The following NRP1 variants were observed in gnomAD, a reference collection of about 807,000 sequenced individuals.
The protein encoded by NRP1 is neuropilin 1.
In NRP1, 35 loss-of-function variants were observed where a neutral mutation model predicts 106.7. The ratio of observed to expected loss-of-function variants is 0.33; its 90% CI spans 0.25 to 0.43. The LOEUF (loss-of-function observed/expected upper bound fraction) is 0.43, where lower values mean the gene tolerates loss of function less well. NRP1 is among the 20% of genes least tolerant of loss of function. NRP1 has a pLI of 1.00. For missense variants in NRP1, 1,024 were observed against 1,170.4 expected (o/e 0.87, Z 1.83); for synonymous variants, 437 against 417.9 (o/e 1.05, Z -0.56).
chr10:33,319,698 T>C, intron 2 of NRP1, among the ~76,000 whole-genome samples: 1 of 150,764 alleles, frequency 6.6e-6, no homozygotes, highest in Non-Finnish European at 1.5e-5. Flanking sequence ...GCCACTTTCC[T>C]GGCTCAGCCT....
chr10:33,270,988 C>T, intron 2 of NRP1, 132 bp from the exon 3 acceptor site: 1 of 646,230 alleles, frequency 1.5e-6, no homozygotes, highest in Non-Finnish European at 2.5e-6. Flanking sequence ...TTCATCACTG[C>T]ATTAAATGGA....
intron 3 of NRP1, among the ~76,000 whole-genome samples, chr10:33,267,417 G>A (rs1309943009): frequency 5.3e-5 from 8 of 152,156 alleles, no homozygotes; most frequent in Admixed American, 5.2e-4. Flanking sequence ...GTAAGAACAG[G>A]AGTAACTTGT....
chr10:33,292,030 A>G (rs1421928710), intron 2 of NRP1, among the ~76,000 whole-genome samples: 3 of 151,900 alleles, frequency 2.0e-5, no homozygotes, highest in African/African-American at 4.9e-5. Context: ...TAGCCTCCAG[A>G]GTAGCTACGA....
At chr10:33,298,697 A>G (rs532807329) in intron 2 of NRP1, among the ~76,000 whole-genome samples, 1 of 152,254 alleles carries the variant, frequency 6.6e-6, no homozygotes, top group Admixed American at 6.5e-5. Flanking sequence ...ATGTATTCTT[A>G]GGCAGATCTT....
At chr10:33,332,339 T>A (rs889587189) in intron 1 of NRP1, among the ~76,000 whole-genome samples, 3 of 152,332 alleles carry the variant, frequency 2.0e-5, no homozygotes, top group Non-Finnish European at 2.9e-5. Context: ...CTCTGTTATG[T>A]GATTCTGCTG....
At chr10:33,319,002 C>CTTT (rs36010472) in intron 2 of NRP1, among the ~76,000 whole-genome samples, 42 of 90,754 alleles carry the variant, frequency 4.6e-4, no homozygotes, top group South Asian at 4.4e-3. Flanking sequence ...TCTTTTCTTT[C>CTTT]TTTTTTTTTT....
Position 33,275,267 on chromosome 10 carries a change from T to A in NRP1, c.249-4411A>T, listed in dbSNP as rs144400622. ...CAACCCAAAATAATGTCAAATACCA[T>A]GGAATATTATTCAGCCACTAAAAAG... On this transcript the variant is annotated intron_variant, in intron 2 of 16. Coordinates refer to ENST00000374867, the MANE Select transcript of NRP1 (RefSeq NM_003873.7). 7.7e-4 allele frequency among the ~76,000 whole-genome samples: 117 copies of A among 152,312 alleles called. 1 individual carries two copies. The Middle Eastern group carries it at 0.02, about 27-fold the overall frequency.
At chr10:33,265,273 C>T (rs1170498187) in intron 3 of NRP1, among the ~76,000 whole-genome samples, 1 of 152,168 alleles carries the variant, frequency 6.6e-6, no homozygotes, top group African/African-American at 2.4e-5. Context: ...AGTCTTTATC[C>T]TTTTGAATTT....
chr10:33,244,931 T>C (rs1019830280), intron 6 of NRP1, among the ~76,000 whole-genome samples: 2 of 152,190 alleles, frequency 1.3e-5, no homozygotes, highest in African/African-American at 4.8e-5. Context: ...TTAGTGCATT[T>C]TGAGACCCAA....
intron 6 of NRP1, among the ~76,000 whole-genome samples, chr10:33,231,478 TC>T (rs1481218480): frequency 2.6e-5 from 4 of 152,218 alleles, no homozygotes; most frequent in African/African-American, 9.6e-5. Flanking sequence ...TCATATTACC[TC>T]TATGCCTGAT....
At chr10:33,202,469 G>T in intron 11 of NRP1, 1 of 756,100 alleles carries the variant, frequency 1.3e-6, no homozygotes, top group Non-Finnish European at 2.0e-6. Flanking sequence ...TTATCCATTT[G>T]TTGGATAAAG....
At chr10:33,293,982 C>T (rs1200835229) in intron 2 of NRP1, among the ~76,000 whole-genome samples, 1 of 152,196 alleles carries the variant, frequency 6.6e-6, no homozygotes, top group African/African-American at 2.4e-5. Context: ...GTCGCAAATA[C>T]CAACTAAAAT....
intron 2 of NRP1, among the ~76,000 whole-genome samples, chr10:33,276,131 C>A (rs1218600308): frequency 6.6e-6 from 1 of 152,162 alleles, no homozygotes; most frequent in Non-Finnish European, 1.5e-5. Flanking sequence ...TTATTCATTT[C>A]TGTATTTTTC....
At chr10:33,190,792 A>T (rs763939799) in intron 13 of NRP1, among the ~76,000 whole-genome samples, 1 of 150,976 alleles carries the variant, frequency 6.6e-6, no homozygotes, top group Non-Finnish European at 1.5e-5. Context: ...GTGTGTGTGT[A>T]TGTGTGTGTG....
chr10:33,190,422 A>G (rs912622256), intron 13 of NRP1, among the ~76,000 whole-genome samples: 5 of 152,214 alleles, frequency 3.3e-5, no homozygotes, highest in Non-Finnish European at 7.3e-5. Flanking sequence ...TTCAATTGAA[A>G]GTGTCTCAGA....
chr10:33,197,754 C>A, intron 11 of NRP1, 45 bp from the exon 12 acceptor site: 5 of 1,178,256 alleles, frequency 4.2e-6, no homozygotes, highest in Non-Finnish European at 6.3e-6. Context: ...AAAACAGTAG[C>A]GAATATGCAG....
At chr10:33,224,544 T>G (rs1198728887) in intron 7 of NRP1, among the ~76,000 whole-genome samples, 1 of 141,426 alleles carries the variant, frequency 7.1e-6, no homozygotes, top group Non-Finnish European at 1.5e-5. Context: ...GGTTCCATTT[T>G]GTTCTTTTTT....
chr10:33,207,609 C>A lies in NRP1; in HGVS notation c.1722G>T (p.Leu574=), dbSNP rs748671975. 2 of 1,614,110 alleles carry A rather than the reference C, an allele frequency of 1.2e-6. No individual in the cohort carries two copies. Among genetic ancestry groups the A allele is most frequent in the African/African-American group, 2.7e-5 (2 of 74,948 alleles). ...IYPERATHGG[L]GLRMELLGCE... ...AGCCCAGCAGCTCCATTCTGAGCCC[C>A]AGTCCGCCATGAGTGGCTCTCTCGG... is the stretch of plus-strand genomic sequence containing the variant. Residue 574 remains leucine (L), a synonymous_variant, in exon 10 of 17, where the codon CTG becomes CTT. Transcript: ENST00000374867.
intron 9 of NRP1, 131 bp from the exon 10 acceptor site, chr10:33,207,847 A>AG: frequency 4.8e-6 from 4 of 830,850 alleles, no homozygotes; most frequent in Non-Finnish European, 5.6e-6. Context: ...ACTTTGTGGT[A>AG]CATCTCTTTC....
Sources: gnomAD v4.1 joint callset for allele counts (sites outside exome capture counted in the v4.1 genomes callset) on GRCh38, gnomAD v4.1.1 for gene constraint, MANE v1.5 for transcripts, NCBI Gene and HGNC (gene_info 2026-07-23, HGNC 2026-07-21) for gene names.